The following CAND2 variants were observed in gnomAD, a reference collection of about 807,000 sequenced individuals.
CAND2 encodes cullin associated and neddylation dissociated 2 (putative).
In CAND2, 62 loss-of-function variants were observed where a neutral mutation model predicts 98.9. That is an observed-to-expected ratio of 0.63 (90% confidence interval 0.51 to 0.77). CAND2 has a LOEUF of 0.77. Ranked by LOEUF, CAND2 falls within the 30% of genes least tolerant of loss-of-function variation. CAND2 has a pLI of 0.00. For synonymous variants in CAND2, 770 were observed against 731.9 expected, an observed-to-expected ratio of 1.05 and a Z score of -0.84; for missense variants, 1,501 against 1,655.2, an observed-to-expected ratio of 0.91 and a Z score of 1.62.
chr3:12,799,353 T>C lies in CAND2; in HGVS notation c.68+2565T>C, dbSNP rs140285949. On this transcript the variant is annotated intron_variant, in intron 1 of 14. Coordinates refer to ENST00000456430, the MANE Select transcript of CAND2 (RefSeq NM_001162499.2). ...TGCCCAATGTCACCTAGTTGATAAA[T>C]GGCAAGACTAGTAAGTATACTCACT... Among the ~76,000 whole-genome samples the C allele has an allele frequency of 2.3e-3, 348 of 152,288 alleles. 2 individuals carry two copies. The highest frequency in any genetic ancestry group is 7.8e-3 in the African/African-American group (325 of 41,552).
intron 1 of CAND2, among the ~76,000 whole-genome samples, chr3:12,799,359 G>C (rs2061750226): frequency 6.6e-6 from 1 of 152,206 alleles, no homozygotes; most frequent in Non-Finnish European, 1.5e-5. Context: ...TAAATGGCAA[G>C]ACTAGTAAGT....
At chr3:12,808,741 A>G (rs1365709817) in intron 4 of CAND2, among the ~76,000 whole-genome samples, 1 of 152,146 alleles carries the variant, frequency 6.6e-6, no homozygotes. Context: ...GAGCCTTCTA[A>G]AAGAGAGTGC....
At chr3:12,800,730 T>G (rs983429231) in intron 1 of CAND2, among the ~76,000 whole-genome samples, 5 of 152,104 alleles carry the variant, frequency 3.3e-5, no homozygotes, top group African/African-American at 7.3e-5. Flanking sequence ...TTTTTGTTTT[T>G]GTTTTTGTTT....
intron 2 of CAND2, among the ~76,000 whole-genome samples, chr3:12,804,562 T>C (rs1199213774): frequency 6.6e-6 from 1 of 152,152 alleles, no homozygotes; most frequent in East Asian, 1.9e-4. Flanking sequence ...TCCTGAGACG[T>C]TGGCCAGTTA....
chr3:12,818,784 G>A (rs1374254000), intron 10 of CAND2, among the ~76,000 whole-genome samples: 3 of 152,204 alleles, frequency 2.0e-5, no homozygotes, highest in Non-Finnish European at 2.9e-5. Context: ...TTCAGTTAAG[G>A]CCTTCTTGGG....
At position 12,816,442 on chromosome 3, in the gene CAND2, C is replaced by A. The variant is rs772723606; in HGVS notation, c.1510C>A (p.Gln504Lys). The change falls in exon 10 of 15, where the codon CAG becomes AAG. Residue 504 changes from glutamine to lysine, a missense_variant. Physicochemically the swap from Gln to Lys is moderately conservative, Grantham distance 53. Transcript: ENST00000456430. ...CCGGATGGATGCCCTGGCCTTCTTG[C>A]AGGGGCTGCTGGGCACCGAACCAGC... ...TIRMDALAFLQGLLGTEPAEA... is the reference protein window; with the variant it reads ...TIRMDALAFLKGLLGTEPAEA... 35 of 1,613,920 alleles carry A rather than the reference C, an allele frequency of 2.2e-5. No individual in the cohort carries two copies. Among genetic ancestry groups the A allele is most frequent in the Non-Finnish European group, 3.0e-5 (35 of 1,179,982 alleles).
In CAND2 at chr3:12,815,954, C is replaced by G. The variant is rs771721872; in HGVS notation, c.1387C>G (p.Leu463Val). The change falls in exon 9 of 15, where the codon CTG becomes GTG. Residue 463 changes from leucine to valine, a missense_variant. Physicochemically the swap from Leu to Val is conservative, Grantham distance 32. Coordinates refer to ENST00000456430, the MANE Select transcript of CAND2 (RefSeq NM_001162499.2). This position sits in a 1 kb window ranked among gnomAD's most constrained non-coding sequence, Gnocchi z 5.7. ...GGGATGCTTCAGCCTCCTCACCGAG[C>G]TGGCGGGTGTCCTCCCAGGCAGCCT... ...RQGCFSLLTE[L>V]AGVLPGSLAE... is the part of the protein sequence containing the mutation. 1.2e-6 allele frequency: 2 copies of G among 1,613,914 alleles called. No individual in the cohort carries two copies. Among genetic ancestry groups the G allele is most frequent in the Non-Finnish European group, 1.7e-6 (2 of 1,179,954 alleles).
intron 1 of CAND2, among the ~76,000 whole-genome samples, chr3:12,801,551 A>G (rs1410159495): frequency 6.6e-6 from 1 of 152,150 alleles, no homozygotes; most frequent in Non-Finnish European, 1.5e-5. Context: ...CGTGGCTTCC[A>G]GCTTAGACTC....
At chr3:12,828,113 TG>T in intron 13 of CAND2, among the ~76,000 whole-genome samples, 1 of 152,144 alleles carries the variant, frequency 6.6e-6, no homozygotes, top group South Asian at 2.1e-4. Flanking sequence ...CAAGCCCCAA[TG>T]TTGAGTGGCA....
intron 5 of CAND2, among the ~76,000 whole-genome samples, chr3:12,812,258 C>G (rs1019694761): frequency 5.9e-5 from 6 of 101,030 alleles, no homozygotes; most frequent in African/African-American, 2.4e-4. Flanking sequence ...GAATCTCGCT[C>G]TGTCCCCCAG....
intron 13 of CAND2, 44 bp from the exon 14 acceptor site, chr3:12,831,421 C>G: frequency 6.6e-7 from 1 of 1,516,944 alleles, no homozygotes; most frequent in South Asian, 1.1e-5. Flanking sequence ...GCTGCTCTTG[C>G]TCCTGCACCA....
intron 13 of CAND2, 127 bp downstream of exon 13, chr3:12,827,731 T>C (rs1424328847): frequency 2.2e-6 from 2 of 904,306 alleles, no homozygotes; most frequent in Non-Finnish European, 3.3e-6. Context: ...TGCATTGTTG[T>C]TTTCTGATAA....
Position 12,815,471 on chromosome 3 carries a change from G to T in CAND2, c.1299+38G>T. On this transcript the variant is annotated intron_variant, in intron 8 of 14. Transcript: ENST00000456430. The surrounding 1 kb of genome is among the most constrained non-coding windows in gnomAD (Gnocchi z 5.7). ...TCACCTCCACCCCTACCCCCGATTTGCCTACCCAGCCACTCACTGTTAGTG... is the reference window on the plus strand; with the variant it reads ...TCACCTCCACCCCTACCCCCGATTTTCCTACCCAGCCACTCACTGTTAGTG... 6.4e-7 allele frequency: 1 copy of T among 1,560,918 alleles called. No homozygotes were observed. The highest frequency in any genetic ancestry group is 8.7e-7 in the Non-Finnish European group (1 of 1,146,318).
intron 3 of CAND2, among the ~76,000 whole-genome samples, chr3:12,807,888 G>A (rs1439934775): frequency 6.6e-6 from 1 of 152,194 alleles, no homozygotes; most frequent in African/African-American, 2.4e-5. Flanking sequence ...GGCAAGAGCT[G>A]GATCACCCAG....
chr3:12,831,063 A>G (rs1023172063), intron 13 of CAND2, among the ~76,000 whole-genome samples: 4 of 141,392 alleles, frequency 2.8e-5, no homozygotes, highest in African/African-American at 1.2e-4. Context: ...TTAAAAATCG[A>G]GACTTTTTTT....
rs762319125 is a variant in CAND2 at position 12,816,998 on chromosome 3, C to T, written c.2066C>T (p.Pro689Leu). ...LAQSQGLSLP[P>L]SAVQAVLAEL... ...CAGAGCCAGGGCCTCAGCCTCCCACCGTCTGCCGTGCAGGCCGTGCTGGCT... is the reference window on the plus strand; with the variant it reads ...CAGAGCCAGGGCCTCAGCCTCCCACTGTCTGCCGTGCAGGCCGTGCTGGCT... The change falls in exon 10 of 15, where the codon CCG becomes CTG. Residue 689 changes from proline to leucine, a missense_variant. By Grantham distance (98) the Pro-to-Leu change is moderately conservative. Transcript: ENST00000456430. 9.3e-6 allele frequency: 15 copies of T among 1,613,094 alleles called. No individual in the cohort carries two copies. Among genetic ancestry groups the T allele is most frequent in the South Asian group, 4.4e-5 (4 of 91,058 alleles).
chr3:12,817,773 T>C lies in CAND2; in HGVS notation c.2841T>C (p.Gly947=). Residue 947 remains glycine (G), a synonymous_variant, in exon 10 of 15, where the codon GGT becomes GGC. Transcript: ENST00000456430. The part of the protein sequence containing the change: ...IWALLFQRCE[G]AEEGTRGVVA... ...CCTTGCTGTTCCAGCGCTGCGAGGG[T>C]GCTGAGGAGGGCACCCGGGGGGTGG... is the stretch of plus-strand genomic sequence containing the variant. 6.5e-7 allele frequency: 1 copy of C among 1,546,648 alleles called. No individual in the cohort carries two copies. The highest frequency in any genetic ancestry group is 8.7e-7 in the Non-Finnish European group (1 of 1,147,760).
intron 1 of CAND2, among the ~76,000 whole-genome samples, chr3:12,799,506 A>G (rs2061751212): frequency 6.6e-6 from 1 of 152,156 alleles, no homozygotes; most frequent in Admixed American, 6.5e-5. Context: ...GTCTGCAGGA[A>G]CCAGGGGTGT....
Position 12,815,464 on chromosome 3 carries a change from C to T in CAND2, c.1299+31C>T, listed in dbSNP as rs767082153. 6 of 1,580,456 alleles carry T rather than the reference C, an allele frequency of 3.8e-6. No homozygotes were observed. Among genetic ancestry groups the T allele is most frequent in the Non-Finnish European group, 5.2e-6 (6 of 1,158,572 alleles). Reference sequence around the variant, plus strand: ...CGTGCCTTCACCTCCACCCCTACCCCCGATTTGCCTACCCAGCCACTCACT... The same window carrying T: ...CGTGCCTTCACCTCCACCCCTACCCTCGATTTGCCTACCCAGCCACTCACT... On this transcript the variant is annotated intron_variant, in intron 8 of 14. Coordinates refer to ENST00000456430, the MANE Select transcript of CAND2 (RefSeq NM_001162499.2). This position sits in a 1 kb window ranked among gnomAD's most constrained non-coding sequence, Gnocchi z 5.7.
Sources: allele counts gnomAD v4.1 joint callset (sites outside exome capture counted in the v4.1 genomes callset), GRCh38; gene constraint gnomAD v4.1.1; non-coding constraint Gnocchi (gnomAD v3.1); transcripts MANE v1.5; gene names NCBI Gene and HGNC (gene_info 2026-07-23, HGNC 2026-07-21).